The following ATXN1 variants were observed in gnomAD, a reference collection of about 807,000 sequenced individuals.
The protein encoded by ATXN1 is ataxin 1.
ATXN1 carries 8 observed loss-of-function variants against 56.4 expected under a neutral mutation model. The observed-to-expected ratio is 0.14, with a 90% confidence interval of 0.08 to 0.26. The LOEUF is 0.26. Ranked by LOEUF, ATXN1 falls within the 10% of genes least tolerant of loss-of-function variation. The pLI, the probability that ATXN1 is intolerant of heterozygous loss-of-function variation, is 1.00. For synonymous variants in ATXN1, 514 were observed against 494.6 expected (o/e 1.04, Z -0.52); for missense variants, 987 against 1,106.5 (o/e 0.89, Z 1.53).
chr6:16,468,325 A>T (rs1760148140), intron 6 of ATXN1, among the ~76,000 whole-genome samples: 1 of 152,184 alleles, frequency 6.6e-6, no homozygotes, highest in South Asian at 2.1e-4. Flanking sequence ...AGCTGGGACT[A>T]CAGGCGCATG....
chr6:16,452,355 G>T (rs142289593), intron 6 of ATXN1, among the ~76,000 whole-genome samples: 1 of 152,190 alleles, frequency 6.6e-6, no homozygotes, highest in Non-Finnish European at 1.5e-5. Flanking sequence ...AACTAGTAAT[G>T]AATGATATGA....
chr6:16,649,902 A>C (rs755588842), intron 3 of ATXN1, among the ~76,000 whole-genome samples: 1 of 152,154 alleles, frequency 6.6e-6, no homozygotes, highest in Non-Finnish European at 1.5e-5. Context: ...TATGAGCAGA[A>C]AATTGCAATA....
At chr6:16,540,645 C>A (rs1339370950) in intron 4 of ATXN1, among the ~76,000 whole-genome samples, 1 of 152,164 alleles carries the variant, frequency 6.6e-6, no homozygotes, top group Admixed American at 6.5e-5. Flanking sequence ...AGTTGGGATT[C>A]AAAGCCAAGG....
chr6:16,682,920 T>C (rs969624363), intron 2 of ATXN1, among the ~76,000 whole-genome samples: 2 of 152,232 alleles, frequency 1.3e-5, no homozygotes, highest in African/African-American at 4.8e-5. Flanking sequence ...TGTTGAGTTA[T>C]ATATTTTAGC....
intron 6 of ATXN1, among the ~76,000 whole-genome samples, chr6:16,476,459 G>C (rs1251443144): frequency 6.6e-6 from 1 of 151,494 alleles, no homozygotes; most frequent in Non-Finnish European, 1.5e-5. Context: ...TTTATGACCT[G>C]TGCACTATAA....
At chr6:16,614,365 G>C (rs1245888411) in intron 3 of ATXN1, among the ~76,000 whole-genome samples, 1 of 151,582 alleles carries the variant, frequency 6.6e-6, no homozygotes, top group Non-Finnish European at 1.5e-5. Context: ...TCTACCTCTT[G>C]GTGGGCCCCA....
intron 4 of ATXN1, among the ~76,000 whole-genome samples, chr6:16,532,145 G>A (rs1761516982): frequency 6.6e-6 from 1 of 152,166 alleles, no homozygotes; most frequent in African/African-American, 2.4e-5. Flanking sequence ...TTTGGCCCAT[G>A]GTCCAGTTTG....
At chr6:16,732,873 C>A (rs1476858832) in intron 2 of ATXN1, among the ~76,000 whole-genome samples, 1 of 152,152 alleles carries the variant, frequency 6.6e-6, no homozygotes, top group East Asian at 1.9e-4. Flanking sequence ...TTAAAAGTAA[C>A]ATAGTTCTAA....
chr6:16,315,327 G>C (rs897845062), intron 7 of ATXN1, among the ~76,000 whole-genome samples: 3 of 152,090 alleles, frequency 2.0e-5, no homozygotes, highest in African/African-American at 4.8e-5. Flanking sequence ...CCAATTATAA[G>C]CAAACTGTAT....
At chr6:16,466,710 T>C (rs902519438) in intron 6 of ATXN1, among the ~76,000 whole-genome samples, 2 of 152,212 alleles carry the variant, frequency 1.3e-5, no homozygotes, top group Admixed American at 6.5e-5. Context: ...TATATATATA[T>C]CCATAGAAAA....
At chr6:16,404,440 A>C (rs1758642241) in intron 6 of ATXN1, among the ~76,000 whole-genome samples, 1 of 152,194 alleles carries the variant, frequency 6.6e-6, no homozygotes, top group African/African-American at 2.4e-5. Context: ...AGCCCCCAGC[A>C]ATGAGAGGGC....
intron 2 of ATXN1, among the ~76,000 whole-genome samples, chr6:16,733,339 T>C (rs1760034399): frequency 6.6e-6 from 1 of 152,018 alleles, no homozygotes. Context: ...GGCGGGAGGA[T>C]GGCTTGAGGC....
rs140160532 is a variant in ATXN1 at position 16,612,548 on chromosome 6, T to A, written c.-488-26641A>T. On this transcript the variant is annotated intron_variant, in intron 3 of 7. Coordinates refer to ENST00000436367, the MANE Select transcript of ATXN1 (RefSeq NM_001128164.2). The stretch of plus-strand genomic sequence containing the variant: ...GCTTACAGTCAGAGGCAAATATCTT[T>A]AGTATTTTTATCATTAAGAAAAATT... 8.0e-3 allele frequency among the ~76,000 whole-genome samples: 1,212 copies of A among 152,258 alleles called. 11 individuals are homozygous for A. Among genetic ancestry groups the A allele is most frequent in the African/African-American group, 0.027 (1,107 of 41,546 alleles).
chr6:16,518,564 C>A (rs1490560547), intron 5 of ATXN1, among the ~76,000 whole-genome samples: 1 of 152,190 alleles, frequency 6.6e-6, no homozygotes, highest in African/African-American at 2.4e-5. Flanking sequence ...CCTCAATACT[C>A]TTGTCTTATT....
intron 6 of ATXN1, among the ~76,000 whole-genome samples, chr6:16,372,988 AGTAGAGAAT>A (rs71717905): frequency 0.57 from 86,514 of 151,656 alleles, 25,600 homozygotes; most frequent in Admixed American, 0.67. Flanking sequence ...CCTGTGGTAG[AGTAGAGAAT>A]GTAGAGACAG....
chr6:16,440,468 G>C (rs534981409), intron 6 of ATXN1, among the ~76,000 whole-genome samples: 2 of 150,602 alleles, frequency 1.3e-5, no homozygotes, highest in East Asian at 3.9e-4. Flanking sequence ...CCATTTTCTA[G>C]ATGAAGACCA....
chr6:16,582,485 T>C (rs1404105120), intron 4 of ATXN1, among the ~76,000 whole-genome samples: 1 of 152,210 alleles, frequency 6.6e-6, no homozygotes, highest in African/African-American at 2.4e-5. Context: ...TCAAAAGTTG[T>C]GCTTTAACTT....
intron 4 of ATXN1, among the ~76,000 whole-genome samples, chr6:16,552,765 C>T (rs1761944918): frequency 6.6e-6 from 1 of 152,300 alleles, no homozygotes. Flanking sequence ...GGGTGTATCA[C>T]CTTGAAGTCT....
rs200077488 is a variant in ATXN1, at chr6:16,327,309, G to A, written c.1002C>T (p.Tyr334=). Residue 334 remains tyrosine, a synonymous_variant, in exon 7 of 8, where the codon TAC becomes TAT. Transcript: ENST00000436367. ...LNGEMEKSRR[Y]GAPSSADLGL... is the part of the protein sequence containing the mutation. ...CCAGGTCGGCTGAGGACGGGGCCCC[G>A]TACCGCCGGCTCTTCTCCATCTCAC... is the stretch of plus-strand genomic sequence containing the variant. 46 of 1,612,882 alleles carry A rather than the reference G, an allele frequency of 2.9e-5. No individual in the cohort carries two copies. The highest frequency in any genetic ancestry group is 1.9e-4 in the South Asian group (17 of 91,080).
Sources: allele counts gnomAD v4.1 joint callset (sites outside exome capture counted in the v4.1 genomes callset), GRCh38; gene constraint gnomAD v4.1.1; transcripts MANE v1.5; gene names NCBI Gene and HGNC (gene_info 2026-07-23, HGNC 2026-07-21).